PRXL2A: variants seen among roughly 807,000 people sequenced by gnomAD.
PRXL2A encodes the protein peroxiredoxin-like 2A.
Under a neutral mutation model 25.6 loss-of-function variants are expected in PRXL2A, and 26 were observed. The ratio of observed to expected loss-of-function variants is 1.02; its 90% confidence interval spans 0.74 to 1.41. The LOEUF (loss-of-function observed/expected upper bound fraction) is 1.41, where lower values mean the gene tolerates loss of function less well. Among genes scored for constraint, PRXL2A ranks in the 40% most tolerant of loss-of-function variants. The pLI is 0.00. For missense variants in PRXL2A, 246 were observed against 273.9 expected (o/e 0.90, Z 0.72); for synonymous variants, 98 against 102.9 (o/e 0.95, Z 0.29).
chr10:80,434,474 G>A lies in PRXL2A; in HGVS notation c.*2375G>A, dbSNP rs1448705709. Reference sequence around the variant, plus strand: ...GTAATGTACATGCACATCACATAAGGACCTTATTAAAATGGAGACTTAAAA... The same window carrying A: ...GTAATGTACATGCACATCACATAAGAACCTTATTAAAATGGAGACTTAAAA... On this transcript the variant is annotated 3_prime_UTR_variant, in exon 6 of 6. Coordinates refer to ENST00000606162, the MANE Select transcript of PRXL2A (RefSeq NM_032333.5). The A allele has an allele frequency of 2.0e-5, 3 of 152,120 alleles. 1 individual carries two copies. The highest frequency in any genetic ancestry group is 1.3e-4 in the Admixed American group (2 of 15,268). The allele number at this position is 152,120 out of a possible 1,614,324, so 9.4% of individuals were successfully genotyped here.
chr10:80,414,983 G>A (rs1358907342), intron 1 of PRXL2A, among the ~76,000 whole-genome samples: 1 of 152,240 alleles, frequency 6.6e-6, no homozygotes, highest in Non-Finnish European at 1.5e-5. Flanking sequence ...TCTGCTCACT[G>A]TGCAGCAAGT....
intron 1 of PRXL2A, among the ~76,000 whole-genome samples, chr10:80,412,488 G>C (rs1844507847): frequency 6.6e-6 from 1 of 152,148 alleles, no homozygotes; most frequent in South Asian, 2.1e-4. Flanking sequence ...TTGAGTGCTG[G>C]GGATGCAGGA....
In PRXL2A at chr10:80,432,086, C is replaced by A; in HGVS notation, c.677C>A (p.Ser226Ter). ...AKMIKPQTLASEKK is the reference protein window; with the variant it reads ...AKMIKPQTLA ...ATGATCAAACCACAGACTTTGGCCT[C>A]AGAGAAAAAATGATTGTGTGAAACT... Residue 226 changes from serine (S) to a stop codon, truncating the protein, a stop_gained, in exon 6 of 6, where the codon TCA (serine) becomes TAA (stop). Coordinates refer to ENST00000606162, the MANE Select transcript of PRXL2A (RefSeq NM_032333.5). LOFTEE classifies it high-confidence loss of function. 6.2e-7 allele frequency: 1 copy of A among 1,603,792 alleles called. No homozygotes were observed.
chr10:80,411,570 C>T (rs927559401), intron 1 of PRXL2A, among the ~76,000 whole-genome samples: 1 of 152,254 alleles, frequency 6.6e-6, no homozygotes, highest in African/African-American at 2.4e-5. Context: ...AGTCCCAGTG[C>T]AGCCACTGAC....
chr10:80,422,571 C>T (rs764927132), intron 3 of PRXL2A, 63 bp downstream of exon 3: 35 of 1,379,574 alleles, frequency 2.5e-5, no homozygotes, highest in Non-Finnish European at 3.0e-5. Flanking sequence ...CATTGTTTTC[C>T]GGCCAGAACC....
intron 1 of PRXL2A, chr10:80,413,888 G>A: frequency 2.4e-6 from 3 of 1,241,640 alleles, no homozygotes; most frequent in Non-Finnish European, 3.1e-6. Flanking sequence ...TGAGTGCCTT[G>A]TTCCCAAGTT....
At position 80,423,859 on chromosome 10, in the gene PRXL2A, G is replaced by A. The variant is rs1238364559; in HGVS notation, c.270+1351G>A. On this transcript the variant is annotated intron_variant, in intron 3 of 5. Transcript: ENST00000606162. ...GTTCTAGAGGTCAGAATTCCAAAGC[G>A]GAATCTGGTTGCATTCCTTCTGAAG... 2.0e-5 allele frequency among the ~76,000 whole-genome samples: 3 copies of A among 152,274 alleles called. No individual in the cohort carries two copies. The South Asian group carries it at 6.2e-4, about 32-fold the overall frequency.
intron 3 of PRXL2A, among the ~76,000 whole-genome samples, chr10:80,424,036 G>C (rs938723787): frequency 1.3e-5 from 2 of 152,130 alleles, no homozygotes; most frequent in African/African-American, 4.8e-5. Context: ...ATTTCTCGGG[G>C]CCATTAAAAT....
In PRXL2A at chr10:80,422,419, C is replaced by T; in HGVS notation, c.181C>T (p.Pro61Ser). Residue 61 changes from proline to serine, a missense_variant and splice_region_variant, in exon 3 of 6, where the codon CCA becomes TCA. Physicochemically the swap from Pro to Ser is moderately conservative, Grantham distance 74. Transcript: ENST00000606162. ...DIDLKTLEKE[P>S]RTFKAKELWE... is the part of the protein sequence containing the mutation. ...AATTTCTTTTTTTCCTCTCTTAGAACCAAGGACTTTCAAAGCAAAGGAGCT... is the reference window on the plus strand; with the variant it reads ...AATTTCTTTTTTTCCTCTCTTAGAATCAAGGACTTTCAAAGCAAAGGAGCT... 1 of 1,613,248 alleles carries T rather than the reference C, an allele frequency of 6.2e-7. No individual in the cohort carries two copies. Among genetic ancestry groups the T allele is most frequent in the Non-Finnish European group, 8.5e-7 (1 of 1,179,318 alleles).
chr10:80,411,186 C>A (rs2131874780), intron 1 of PRXL2A, among the ~76,000 whole-genome samples: 1 of 152,308 alleles, frequency 6.6e-6, no homozygotes, highest in Non-Finnish European at 1.5e-5. Context: ...GTATGCTAGA[C>A]AAGGATGGAC....
chr10:80,420,737 T>G, intron 2 of PRXL2A, 92 bp downstream of exon 2: 1 of 1,005,870 alleles, frequency 9.9e-7, no homozygotes, highest in South Asian at 2.9e-5. Flanking sequence ...TTTTTTTAAT[T>G]GAAAAGATAA....
intron 5 of PRXL2A, among the ~76,000 whole-genome samples, chr10:80,428,727 ACTTCTAGGCCTGT>A (rs142785943): frequency 0.03 from 4,616 of 152,162 alleles, 232 homozygotes; most frequent in African/African-American, 0.1. Flanking sequence ...TGGTGGCCTG[ACTTCTAGGCCTGT>A]CTCTGTCAAT....
rs1282517455 is a variant in PRXL2A, at chr10:80,432,580, G to A, written c.*481G>A. The A allele has an allele frequency of 1.3e-5, 2 of 151,618 alleles. No individual in the cohort carries two copies. Among genetic ancestry groups the A allele is most frequent in the African/African-American group, 4.9e-5 (2 of 40,740 alleles). The allele number at this position is 151,618 out of a possible 1,614,324, so 9.4% of individuals were successfully genotyped here. Reference sequence around the variant, plus strand: ...CACTTGAACCTGGGAGGTGGAGGTTGCGGTGAGCTGAGATCACACCACTGT... The same window carrying A: ...CACTTGAACCTGGGAGGTGGAGGTTACGGTGAGCTGAGATCACACCACTGT... On this transcript the variant is annotated 3_prime_UTR_variant, in exon 6 of 6. Coordinates refer to ENST00000606162, the MANE Select transcript of PRXL2A (RefSeq NM_032333.5).
rs753076825 is a variant in PRXL2A, at chr10:80,430,089, CTTTTTTTTT to C, written c.577-1880_577-1872del. Reference sequence around the variant, plus strand: ...CTAAAATTGGGGTGGTGGGGATTTCCTTTTTTTTTTTTTTTTTTTTTTTTTCTGGAGACA... The same window carrying C: ...CTAAAATTGGGGTGGTGGGGATTTCCTTTTTTTTTTTTTTTTCTGGAGACA... On this transcript the variant is annotated intron_variant, in intron 5 of 5. Transcript: ENST00000606162. Among the ~76,000 whole-genome samples, 13 of 66,556 alleles carry C rather than the reference CTTTTTTTTT, an allele frequency of 2.0e-4. No homozygotes were observed. In the East Asian group the frequency reaches 4.4e-3, roughly 23 times the overall value. The allele number at this position is 66,556 out of a possible 152,430, so 43.7% of individuals were successfully genotyped here.
intron 1 of PRXL2A, chr10:80,414,004 G>C: frequency 2.6e-6 from 1 of 387,616 alleles, no homozygotes; most frequent in Non-Finnish European, 3.9e-6. Context: ...GGGCGGTGGG[G>C]GCAGTGTTGA....
chr10:80,413,974 G>A (rs951063726), intron 1 of PRXL2A: 10 of 705,352 alleles, frequency 1.4e-5, no homozygotes, highest in African/African-American at 1.4e-4. Context: ...ACAGGGTCTC[G>A]AAGCTGGAAA....
In PRXL2A at chr10:80,425,931, G is replaced by A. The variant is rs1357160526; in HGVS notation, c.336G>A (p.Val112=). The A allele has an allele frequency of 6.2e-7, 1 of 1,614,236 alleles. No homozygotes were observed. The highest frequency in any genetic ancestry group is 1.1e-5 in the South Asian group (1 of 91,086). Residue 112 remains valine (V), a synonymous_variant, in exon 4 of 6, where the codon GTG becomes GTA. Coordinates refer to ENST00000606162, the MANE Select transcript of PRXL2A (RefSeq NM_032333.5). ...LDQLGVPLYA[V]VKEHIRTEVK... The stretch of plus-strand genomic sequence containing the variant: ...AGCTGGGCGTCCCCCTCTATGCAGT[G>A]GTAAAGGAGCACATCAGGACTGAAG...
At chr10:80,415,211 C>T (rs1844619442) in intron 1 of PRXL2A, among the ~76,000 whole-genome samples, 2 of 152,236 alleles carry the variant, frequency 1.3e-5, no homozygotes. Flanking sequence ...ACACTCTCAG[C>T]ATGGTGCTGC....
At chr10:80,423,953 T>C (rs1564692789) in intron 3 of PRXL2A, among the ~76,000 whole-genome samples, 1 of 152,184 alleles carries the variant, frequency 6.6e-6, no homozygotes, top group Non-Finnish European at 1.5e-5. Flanking sequence ...TATTGGTTTA[T>C]GGCCCCTTCC....
Sources: gnomAD v4.1 joint callset for allele counts (sites outside exome capture counted in the v4.1 genomes callset) on GRCh38, gnomAD v4.1.1 for gene constraint, MANE v1.5 for transcripts, NCBI Gene and HGNC (gene_info 2026-07-23, HGNC 2026-07-21) for gene names.